Variants in SEMA3C observed in about 807,000 individuals in gnomAD.
SEMA3C encodes semaphorin 3C, also known as semaphorin-3C.
SEMA3C carries 47 observed loss-of-function variants against 89.4 expected under a neutral mutation model. That is an observed-to-expected ratio of 0.53 (90% CI 0.42 to 0.67). The LOEUF (loss-of-function observed/expected upper bound fraction) is 0.67, where lower values mean the gene tolerates loss of function less well. SEMA3C is among the 30% of genes least tolerant of loss of function. The pLI is 0.00. For synonymous variants in SEMA3C, 310 were observed against 320.2 expected (o/e 0.97, Z 0.34); for missense variants, 839 against 929.1 (o/e 0.90, Z 1.26).
intron 12 of SEMA3C, among the ~76,000 whole-genome samples, chr7:80,779,451 A>G (rs1294084280): frequency 1.3e-5 from 2 of 152,134 alleles, no homozygotes; most frequent in Non-Finnish European, 2.9e-5. Context: ...TCTACCAATC[A>G]AGCCACAAAT....
At chr7:80,897,882 C>T (rs1464302866) in intron 2 of SEMA3C, among the ~76,000 whole-genome samples, 1 of 152,116 alleles carries the variant, frequency 6.6e-6, no homozygotes, top group East Asian at 1.9e-4. Flanking sequence ...GGAATAAATA[C>T]ATAATAAAGC....
At position 80,746,182 on chromosome 7, in the gene SEMA3C, G is replaced by A. The variant is rs139814852; in HGVS notation, c.1843-875C>T. On this transcript the variant is annotated intron_variant, in intron 17 of 17. Coordinates refer to ENST00000265361, the MANE Select transcript of SEMA3C (RefSeq NM_006379.5). ...CCAAAACCAAAATTAGATAATGCAC[G>A]TTAAATGTTTTCCTAAATGATAAAG... Among the ~76,000 whole-genome samples the A allele has an allele frequency of 1.4e-4, 22 of 152,090 alleles. No individual in the cohort carries two copies. The East Asian group carries it at 2.1e-3, about 15-fold the overall frequency.
At chr7:80,790,139 C>G (rs1476896975) in intron 11 of SEMA3C, among the ~76,000 whole-genome samples, 1 of 151,962 alleles carries the variant, frequency 6.6e-6, no homozygotes, top group Admixed American at 6.6e-5. Flanking sequence ...TAAAAATTAG[C>G]TAGGTGTGGC....
intron 2 of SEMA3C, among the ~76,000 whole-genome samples, chr7:80,872,953 A>G (rs1359621206): frequency 6.6e-6 from 1 of 150,950 alleles, no homozygotes; most frequent in Non-Finnish European, 1.5e-5. Flanking sequence ...AGAAAGCCAC[A>G]TCTTACTTTT....
At chr7:80,781,646 A>C (rs1446884986) in intron 12 of SEMA3C, among the ~76,000 whole-genome samples, 1 of 152,170 alleles carries the variant, frequency 6.6e-6, no homozygotes, top group Non-Finnish European at 1.5e-5. Context: ...CTTGGGACAA[A>C]GCCTGCCAAG....
chr7:80,899,744 C>T (rs765772504), intron 2 of SEMA3C, among the ~76,000 whole-genome samples: 112 of 152,022 alleles, frequency 7.4e-4, no homozygotes, highest in Admixed American at 2.3e-3. Flanking sequence ...TCTGACATTT[C>T]AAGAAAAAAT....
Position 80,805,660 on chromosome 7 carries a change from G to A in SEMA3C, c.637C>T (p.His213Tyr), listed in dbSNP as rs776763355. 3.1e-6 allele frequency: 5 copies of A among 1,601,778 alleles called. No individual in the cohort carries two copies. The highest frequency in any genetic ancestry group is 1.7e-4 in the Middle Eastern group (1 of 6,024). Reference sequence around the variant, plus strand: ...TTACCACTTAGCCATTTGGAATTATGTTGATCAGTTCTGACCGCATTCCTC... The same window carrying A: ...TTACCACTTAGCCATTTGGAATTATATTGATCAGTTCTGACCGCATTCCTC... Reference protein sequence around the residue: ...TKRNAVRTDQHNSKWLSEPMF... With the variant: ...TKRNAVRTDQYNSKWLSEPMF... The change falls in exon 7 of 18, where the codon CAT becomes TAT. Residue 213 changes from histidine to tyrosine, a missense_variant. Coordinates refer to ENST00000265361, the MANE Select transcript of SEMA3C (RefSeq NM_006379.5).
intron 2 of SEMA3C, among the ~76,000 whole-genome samples, chr7:80,892,327 A>C (rs531516230): frequency 6.6e-6 from 1 of 152,258 alleles, no homozygotes; most frequent in South Asian, 2.1e-4. Context: ...ATGTATTTAC[A>C]GAGAGATCAT....
chr7:80,805,342 C>T (rs1013493286), intron 7 of SEMA3C, among the ~76,000 whole-genome samples: 1 of 152,014 alleles, frequency 6.6e-6, no homozygotes, highest in Non-Finnish European at 1.5e-5. Flanking sequence ...TACAATTAAA[C>T]AACTGGAGAA....
chr7:80,781,811 C>T (rs140431770), intron 12 of SEMA3C, among the ~76,000 whole-genome samples: 106 of 152,248 alleles, frequency 7.0e-4, no homozygotes, highest in African/African-American at 2.5e-3. Context: ...AGGGGCAACA[C>T]TCAGGGATGT....
At chr7:80,888,545 T>C (rs1018596138) in intron 2 of SEMA3C, among the ~76,000 whole-genome samples, 7 of 152,150 alleles carry the variant, frequency 4.6e-5, no homozygotes, top group African/African-American at 7.2e-5. Context: ...CCAATAATAA[T>C]GTAGCAAAGA....
At chr7:80,912,221 G>GTAAC (rs570400910) in intron 2 of SEMA3C, among the ~76,000 whole-genome samples, 11 of 152,068 alleles carry the variant, frequency 7.2e-5, no homozygotes, top group Non-Finnish European at 8.8e-5. Context: ...GCATATCAAT[G>GTAAC]TAACACCTTT....
intron 4 of SEMA3C, among the ~76,000 whole-genome samples, chr7:80,823,915 A>G (rs1185721246): frequency 6.6e-6 from 1 of 152,162 alleles, no homozygotes; most frequent in Non-Finnish European, 1.5e-5. Context: ...GTGAGTACAT[A>G]GGGGCAGAGA....
chr7:80,778,480 T>C (rs1262476373), intron 12 of SEMA3C, among the ~76,000 whole-genome samples: 1 of 152,210 alleles, frequency 6.6e-6, no homozygotes, highest in Non-Finnish European at 1.5e-5. Flanking sequence ...ACCTGTTTTC[T>C]TGCACCATTT....
At chr7:80,871,952 T>C (rs1791068705) in intron 2 of SEMA3C, among the ~76,000 whole-genome samples, 1 of 152,114 alleles carries the variant, frequency 6.6e-6, no homozygotes, top group African/African-American at 2.4e-5. Context: ...AAATTTCCTT[T>C]TTCACTACAA....
At chr7:80,895,710 T>C (rs1015896575) in intron 2 of SEMA3C, among the ~76,000 whole-genome samples, 6 of 152,128 alleles carry the variant, frequency 3.9e-5, no homozygotes, top group Non-Finnish European at 7.4e-5. Flanking sequence ...GAAACAATTA[T>C]GAGCTTTATA....
At chr7:80,779,288 T>C (rs1788635755) in intron 12 of SEMA3C, among the ~76,000 whole-genome samples, 1 of 152,180 alleles carries the variant, frequency 6.6e-6, no homozygotes, top group Non-Finnish European at 1.5e-5. Flanking sequence ...AAGTGATCAA[T>C]TTAGACTCTC....
chr7:80,877,715 T>A (rs1184187337), intron 2 of SEMA3C, among the ~76,000 whole-genome samples: 1 of 152,248 alleles, frequency 6.6e-6, no homozygotes, highest in Non-Finnish European at 1.5e-5. Flanking sequence ...TATAATTCAA[T>A]ATTTTCTCAT....
chr7:80,892,774 T>C (rs1791646597), intron 2 of SEMA3C, among the ~76,000 whole-genome samples: 1 of 152,192 alleles, frequency 6.6e-6, no homozygotes, highest in Non-Finnish European at 1.5e-5. Flanking sequence ...ATTCCCACTT[T>C]GAACAAAAAA....
Sources: gnomAD v4.1 joint callset for allele counts (sites outside exome capture counted in the v4.1 genomes callset) on GRCh38, gnomAD v4.1.1 for gene constraint, MANE v1.5 for transcripts, NCBI Gene and HGNC (gene_info 2026-07-23, HGNC 2026-07-21) for gene names.